GRM7: variants seen among roughly 807,000 people sequenced by gnomAD.
GRM7 encodes the protein glutamate metabotropic receptor 7.
A neutral mutation model predicts 84.5 loss-of-function variants in GRM7; 35 were observed. That is an observed-to-expected ratio of 0.41 (90% confidence interval 0.32 to 0.55). GRM7 has a LOEUF of 0.55. Ranked by LOEUF, GRM7 falls within the 20% of genes least tolerant of loss-of-function variation. The probability of loss-of-function intolerance (pLI) is 0.19; values close to 1 mark genes in which losing one functional copy is unlikely to be tolerated. For missense variants in GRM7, 1,003 were observed against 1,194.6 expected (o/e 0.84, Z 2.36); for synonymous variants, 487 against 455.1 (o/e 1.07, Z -0.89).
At chr3:7,052,608 T>C (rs575503342) in intron 1 of GRM7, among the ~76,000 whole-genome samples, 7 of 151,706 alleles carry the variant, frequency 4.6e-5, no homozygotes, top group South Asian at 2.1e-4. Context: ...TCTGTTGTTA[T>C]AGTTTTGCCT....
intron 1 of GRM7, among the ~76,000 whole-genome samples, chr3:7,129,902 T>C (rs1310371085): frequency 6.6e-6 from 1 of 152,210 alleles, no homozygotes; most frequent in Non-Finnish European, 1.5e-5. Flanking sequence ...ATCATCAAAA[T>C]GAGTCTTTAA....
Position 7,399,595 on chromosome 3 carries a change from G to T in GRM7, c.1034-15428G>T, listed in dbSNP as rs542828156. ...GTCTCATGTTGAAATTTGATCCTCA[G>T]TGTCGGAGATGGGGCCTAATGGGAG... On this transcript the variant is annotated intron_variant, in intron 4 of 9. Coordinates refer to ENST00000357716, the MANE Select transcript of GRM7 (RefSeq NM_000844.4). 6.1e-4 allele frequency among the ~76,000 whole-genome samples: 93 copies of T among 152,306 alleles called. 1 individual carries two copies. Among genetic ancestry groups the T allele is most frequent in the Middle Eastern group, 6.8e-3 (2 of 294 alleles).
At chr3:7,587,987 G>A (rs1695598649) in intron 8 of GRM7, among the ~76,000 whole-genome samples, 1 of 152,112 alleles carries the variant, frequency 6.6e-6, no homozygotes, top group Admixed American at 6.5e-5. Context: ...GGGATGTTTG[G>A]TGGGGTGGAA....
At chr3:7,679,460 G>A (rs1478240991) in intron 8 of GRM7, among the ~76,000 whole-genome samples, 1 of 151,616 alleles carries the variant, frequency 6.6e-6, no homozygotes, top group African/African-American at 2.4e-5. Flanking sequence ...AACATCACTA[G>A]ATCTTGTTCA....
intron 5 of GRM7, among the ~76,000 whole-genome samples, chr3:7,446,695 G>A (rs1697529475): frequency 6.6e-6 from 1 of 151,938 alleles, no homozygotes; most frequent in East Asian, 1.9e-4. Flanking sequence ...CCTGACCTCA[G>A]GTGATCTGCC....
At chr3:7,313,424 A>G (rs563423352) in intron 4 of GRM7, among the ~76,000 whole-genome samples, 3 of 152,304 alleles carry the variant, frequency 2.0e-5, no homozygotes, top group East Asian at 3.9e-4. Flanking sequence ...ATTTGTTCTT[A>G]TGTTAGAAAA....
intron 1 of GRM7, among the ~76,000 whole-genome samples, chr3:7,065,179 AG>A (rs1389906917): frequency 6.6e-6 from 1 of 151,588 alleles, no homozygotes; most frequent in Non-Finnish European, 1.5e-5. Context: ...GCTGTGCAAA[AG>A]CTCTTTAGTT....
intron 4 of GRM7, among the ~76,000 whole-genome samples, chr3:7,367,980 C>CAAA (rs55994832): frequency 0.42 from 60,953 of 145,982 alleles, 13,247 homozygotes; most frequent in East Asian, 0.57. Flanking sequence ...ACAACAACTA[C>CAAA]ACAGACAATG....
intron 4 of GRM7, among the ~76,000 whole-genome samples, chr3:7,369,760 C>T (rs1209578568): frequency 6.6e-6 from 1 of 152,120 alleles, no homozygotes; most frequent in African/African-American, 2.4e-5. Context: ...TAATACTGAT[C>T]ATACTCCCTG....
intron 9 of GRM7, among the ~76,000 whole-genome samples, chr3:7,695,275 TA>T (rs777613587): frequency 9.9e-5 from 15 of 152,150 alleles, no homozygotes; most frequent in Non-Finnish European, 1.5e-4. Flanking sequence ...CACCTTTGTT[TA>T]AAGCTGAATC....
intron 8 of GRM7, among the ~76,000 whole-genome samples, chr3:7,635,466 CTG>C (rs1214667013): frequency 2.0e-5 from 3 of 152,154 alleles, no homozygotes; most frequent in Non-Finnish European, 4.4e-5. Context: ...CTTTAATTAA[CTG>C]TTCAAGATGA....
chr3:7,189,472 G>T (rs183647720), intron 2 of GRM7, among the ~76,000 whole-genome samples: 1 of 152,264 alleles, frequency 6.6e-6, no homozygotes, highest in Admixed American at 6.5e-5. Flanking sequence ...TTAGGTCATT[G>T]CCTGGCATAT....
intron 4 of GRM7, among the ~76,000 whole-genome samples, chr3:7,312,918 CCTTTTTTTTCTTTTTTT>C (rs1237598881): frequency 1.4e-5 from 2 of 147,442 alleles, no homozygotes; most frequent in Admixed American, 1.4e-4. Flanking sequence ...GCCTTCTCCT[CCTTTTTTTTCTTTTTTT>C]CTTTTTTTTT....
At chr3:7,688,986 A>ATAT (rs1700692523) in intron 9 of GRM7, among the ~76,000 whole-genome samples, 1 of 152,194 alleles carries the variant, frequency 6.6e-6, no homozygotes, top group African/African-American at 2.4e-5. Context: ...CTTTACATGA[A>ATAT]TATTTATAAA....
In GRM7 at chr3:7,359,664, A is replaced by T. The variant is rs970161512; in HGVS notation, c.1033+53012A>T. On this transcript the variant is annotated intron_variant, in intron 4 of 9. Coordinates refer to ENST00000357716, the MANE Select transcript of GRM7 (RefSeq NM_000844.4). ...AATCCTATTCCCTTTAAATGTCTCT[A>T]TCTAAGGAACAGACTTTTCTGTTCT... Among the ~76,000 whole-genome samples the T allele has an allele frequency of 1.4e-5, 2 of 148,120 alleles. 1 individual carries two copies. Among genetic ancestry groups the T allele is most frequent in the Non-Finnish European group, 3.0e-5 (2 of 67,378 alleles).
intron 6 of GRM7, among the ~76,000 whole-genome samples, chr3:7,459,703 C>T (rs891939909): frequency 2.0e-4 from 30 of 152,114 alleles, no homozygotes; most frequent in Non-Finnish European, 3.5e-4. Flanking sequence ...CTGGGTCCCT[C>T]CCACAACACA....
At chr3:6,952,038 A>C (rs1692796420) in intron 1 of GRM7, among the ~76,000 whole-genome samples, 1 of 151,610 alleles carries the variant, frequency 6.6e-6, no homozygotes, top group Non-Finnish European at 1.5e-5. Context: ...GTGATTATTG[A>C]TATTGTAAGG....
At chr3:7,706,231 T>C (rs1274065738) in intron 9 of GRM7, among the ~76,000 whole-genome samples, 2 of 152,214 alleles carry the variant, frequency 1.3e-5, no homozygotes, top group Non-Finnish European at 2.9e-5. Flanking sequence ...TGATTGTATT[T>C]TTGATCACTT....
chr3:7,251,876 A>G (rs566746013), intron 2 of GRM7, among the ~76,000 whole-genome samples: 3 of 152,328 alleles, frequency 2.0e-5, no homozygotes, highest in African/African-American at 7.2e-5. Flanking sequence ...GCAAATTATC[A>G]AAGATAGTTA....
Sources: allele counts gnomAD v4.1 joint callset (sites outside exome capture counted in the v4.1 genomes callset), GRCh38; gene constraint gnomAD v4.1.1; transcripts MANE v1.5; gene names NCBI Gene and HGNC (gene_info 2026-07-23, HGNC 2026-07-21).